The following FOXP1 variants were observed in gnomAD, a reference collection of about 807,000 sequenced individuals.
The protein encoded by FOXP1 is forkhead box protein P1.
FOXP1 carries 15 observed loss-of-function variants against 98.2 expected under a neutral mutation model. The observed-to-expected ratio is 0.15, with a 90% confidence interval of 0.10 to 0.24. The LOEUF (loss-of-function observed/expected upper bound fraction) is 0.24, where lower values mean the gene tolerates loss of function less well. Ranked by LOEUF, FOXP1 falls within the 10% of genes least tolerant of loss-of-function variation. The probability of loss-of-function intolerance (pLI) is 1.00; values close to 1 mark genes in which losing one functional copy is unlikely to be tolerated. For synonymous variants in FOXP1, 371 were observed against 314.5 expected (o/e 1.18, Z -1.90); for missense variants, 633 against 848.5 (o/e 0.75, Z 3.15).
intron 5 of FOXP1, among the ~76,000 whole-genome samples, chr3:71,225,828 G>A (rs746083468): frequency 1.3e-5 from 2 of 152,208 alleles, no homozygotes; most frequent in Admixed American, 1.3e-4. Flanking sequence ...CTATGGAAAG[G>A]AGCTGGATAT....
At chr3:70,961,479 C>T (rs1267667387) in intron 20 of FOXP1, among the ~76,000 whole-genome samples, 1 of 152,092 alleles carries the variant, frequency 6.6e-6, no homozygotes, top group Non-Finnish European at 1.5e-5. Flanking sequence ...GATCCACCCG[C>T]CTTGGCCTCC....
chr3:71,035,240 C>CAT (rs1269193774), intron 11 of FOXP1, among the ~76,000 whole-genome samples: 2 of 152,106 alleles, frequency 1.3e-5, no homozygotes, highest in African/African-American at 4.8e-5. Context: ...TCCTGCACCC[C>CAT]ATCTCAGACC....
chr3:71,397,171 T>A (rs1282375266), intron 3 of FOXP1, among the ~76,000 whole-genome samples: 1 of 147,642 alleles, frequency 6.8e-6, no homozygotes, highest in Non-Finnish European at 1.5e-5. Flanking sequence ...TGGAAGCACG[T>A]GTACCTTTCC....
intron 3 of FOXP1, among the ~76,000 whole-genome samples, chr3:71,380,611 C>T (rs1338401476): frequency 6.6e-6 from 1 of 151,534 alleles, no homozygotes; most frequent in Non-Finnish European, 1.5e-5. Context: ...ATCGACAACA[C>T]TTTACACTCT....
chr3:71,130,851 G>C (rs1305893880), intron 6 of FOXP1: 2 of 1,429,926 alleles, frequency 1.4e-6, no homozygotes, highest in African/African-American at 2.9e-5. Context: ...AGCACTTAAA[G>C]AAATCTATTA....
At chr3:71,383,726 C>T (rs1369343564) in intron 3 of FOXP1, among the ~76,000 whole-genome samples, 1 of 152,164 alleles carries the variant, frequency 6.6e-6, no homozygotes, top group Admixed American at 6.5e-5. Context: ...ACATGGAAGA[C>T]CAGGCCCCCT....
intron 4 of FOXP1, among the ~76,000 whole-genome samples, chr3:71,351,576 T>G (rs1356753581): frequency 6.6e-6 from 1 of 152,192 alleles, no homozygotes; most frequent in Non-Finnish European, 1.5e-5. Flanking sequence ...TAACCAAAGG[T>G]CTTCTACTCT....
At chr3:71,005,314 TAAAAAA>T (rs60664354) in intron 12 of FOXP1, among the ~76,000 whole-genome samples, 2 of 25,260 alleles carry the variant, frequency 7.9e-5, no homozygotes, top group African/African-American at 1.2e-4. Flanking sequence ...ATACCTGATT[TAAAAAA>T]AAAAAAAAAA....
intron 2 of FOXP1, among the ~76,000 whole-genome samples, chr3:71,515,433 CAAAAAAAAA>C (rs35322006): frequency 1.2e-4 from 12 of 96,948 alleles, no homozygotes; most frequent in East Asian, 5.3e-4. Context: ...ATTTACACAG[CAAAAAAAAA>C]AAAAAAAAAA....
At chr3:70,976,260 C>CAAGA (rs1393271086) in intron 17 of FOXP1, among the ~76,000 whole-genome samples, 35 of 151,786 alleles carry the variant, frequency 2.3e-4, no homozygotes, top group African/African-American at 8.3e-4. Context: ...CGCTACGTTG[C>CAAGA]CCAGGCTGGT....
At chr3:70,991,315 G>A (rs145896315) in intron 13 of FOXP1, among the ~76,000 whole-genome samples, 6 of 152,130 alleles carry the variant, frequency 3.9e-5, no homozygotes, top group East Asian at 1.9e-4. Context: ...CCCTTTGGCC[G>A]AAATAGGTCA....
chr3:71,371,566 G>A (rs1330532613), intron 3 of FOXP1, among the ~76,000 whole-genome samples: 1 of 152,162 alleles, frequency 6.6e-6, no homozygotes, highest in East Asian at 1.9e-4. Context: ...CAGGAAGATC[G>A]CTTGAAGCCA....
intron 12 of FOXP1, among the ~76,000 whole-genome samples, chr3:71,010,014 C>T (rs1053752929): frequency 6.6e-6 from 1 of 151,482 alleles, no homozygotes; most frequent in Non-Finnish European, 1.5e-5. Flanking sequence ...CCTTAGCCTC[C>T]AAATGCATTG....
intron 5 of FOXP1, among the ~76,000 whole-genome samples, chr3:71,233,695 CAG>C (rs1560159023): frequency 1.3e-5 from 2 of 151,462 alleles, no homozygotes; most frequent in Admixed American, 6.6e-5. Flanking sequence ...CGCACCCCCC[CAG>C]CTGGTGCTAT....
intron 2 of FOXP1, among the ~76,000 whole-genome samples, chr3:71,542,923 C>T (rs2044989977): frequency 6.6e-6 from 1 of 152,232 alleles, no homozygotes; most frequent in Non-Finnish European, 1.5e-5. Flanking sequence ...CATCCTCAAA[C>T]TGCAGCTTCG....
At chr3:71,001,827 A>C (rs879285909) in intron 12 of FOXP1, among the ~76,000 whole-genome samples, 1 of 152,232 alleles carries the variant, frequency 6.6e-6, no homozygotes, top group Non-Finnish European at 1.5e-5. Flanking sequence ...GGGCTGAATC[A>C]AAGCCTAAAG....
chr3:71,182,258 C>G (rs1210185679), intron 6 of FOXP1, among the ~76,000 whole-genome samples: 1 of 152,030 alleles, frequency 6.6e-6, no homozygotes, highest in East Asian at 1.9e-4. Flanking sequence ...AACTTAAAGA[C>G]ATTATGGGAG....
chr3:71,341,694 G>GT (rs1305022583), intron 4 of FOXP1, among the ~76,000 whole-genome samples: 12 of 152,112 alleles, frequency 7.9e-5, no homozygotes, highest in African/African-American at 2.9e-4. Flanking sequence ...GTGAGACTCC[G>GT]TCTCAAAAGA....
At chr3:71,129,213 C>T (rs1426846028) in intron 6 of FOXP1, among the ~76,000 whole-genome samples, 1 of 152,184 alleles carries the variant, frequency 6.6e-6, no homozygotes, top group African/African-American at 2.4e-5. Context: ...TTCAGTCACT[C>T]TTTCCATTTT....
Sources: gnomAD v4.1 joint callset for allele counts (sites outside exome capture counted in the v4.1 genomes callset) on GRCh38, gnomAD v4.1.1 for gene constraint, MANE v1.5 for transcripts, NCBI Gene and HGNC (gene_info 2026-07-23, HGNC 2026-07-21) for gene names.